The following CERT1 variants were observed in gnomAD, a reference collection of about 807,000 sequenced individuals.
CERT1 encodes the protein ceramide transporter 1.
CERT1 carries 31 observed loss-of-function variants against 87.9 expected under a neutral mutation model. The observed-to-expected ratio is 0.35, with a 90% confidence interval of 0.27 to 0.48. The LOEUF (loss-of-function observed/expected upper bound fraction) is 0.48. Among genes scored for constraint, CERT1 ranks in the 20% least tolerant of loss-of-function variants. The pLI is 0.99. For missense variants in CERT1, 487 were observed against 758.0 expected (o/e 0.64, Z 4.20); for synonymous variants, 289 against 250.9 (o/e 1.15, Z -1.44).
At chr5:75,397,772 G>C (rs1017521573) in intron 11 of CERT1, among the ~76,000 whole-genome samples, 1 of 152,196 alleles carries the variant, frequency 6.6e-6, no homozygotes, top group South Asian at 2.1e-4. Context: ...TGTAATCCCA[G>C]CACTTTGGGA....
intron 3 of CERT1, among the ~76,000 whole-genome samples, chr5:75,451,966 T>C (rs905113752): frequency 6.6e-6 from 1 of 152,130 alleles, no homozygotes; most frequent in African/African-American, 2.4e-5. Flanking sequence ...AACAATGGGG[T>C]TCTCTCAGTA....
chr5:75,426,205 A>G (rs989093350), intron 4 of CERT1, among the ~76,000 whole-genome samples, 166 bp downstream of exon 4: 1 of 152,232 alleles, frequency 6.6e-6, no homozygotes, highest in African/African-American at 2.4e-5. Flanking sequence ...GTGTTCATCT[A>G]TATGAGTTAT....
intron 7 of CERT1, 104 bp downstream of exon 7, chr5:75,416,772 T>C: frequency 9.9e-7 from 1 of 1,009,736 alleles, no homozygotes; most frequent in South Asian, 1.8e-5. Flanking sequence ...GCTATTTCTA[T>C]CAACCCAAGA....
intron 2 of CERT1, among the ~76,000 whole-genome samples, chr5:75,482,783 A>G (rs143912426): frequency 1.4e-3 from 219 of 152,306 alleles, no homozygotes; most frequent in Non-Finnish European, 2.5e-3. Context: ...AGGCAGTACT[A>G]TTTGTGAGTC....
At chr5:75,400,623 A>C in intron 9 of CERT1, 2 of 204,476 alleles carry the variant, frequency 9.8e-6, no homozygotes, top group African/African-American at 2.3e-5. Flanking sequence ...ATTCTCTCCT[A>C]TCCAAACCCT....
intron 2 of CERT1, among the ~76,000 whole-genome samples, chr5:75,492,134 AGGAGTTTGAAACCAGTCT>A (rs1439251168): frequency 5.3e-5 from 8 of 152,254 alleles, no homozygotes; most frequent in African/African-American, 1.9e-4. Context: ...GCTTGAGCTC[AGGAGTTTGAAACCAGTCT>A]GGGCAACATA....
chr5:75,434,394 T>C (rs1331321657), intron 3 of CERT1, among the ~76,000 whole-genome samples: 1 of 152,188 alleles, frequency 6.6e-6, no homozygotes, highest in Non-Finnish European at 1.5e-5. Flanking sequence ...GTATTCAATT[T>C]GCTAATATTT....
intron 13 of CERT1, among the ~76,000 whole-genome samples, chr5:75,385,335 T>A (rs971573531): frequency 3.3e-5 from 5 of 152,026 alleles, no homozygotes; most frequent in Non-Finnish European, 7.4e-5. Context: ...TAGCTGGGCG[T>A]GATGGTGTGC....
chr5:75,436,057 G>A (rs1335293811), intron 3 of CERT1, among the ~76,000 whole-genome samples: 1 of 152,170 alleles, frequency 6.6e-6, no homozygotes, highest in Non-Finnish European at 1.5e-5. Flanking sequence ...TTTTGAGACG[G>A]AGGATCGCTC....
intron 2 of CERT1, among the ~76,000 whole-genome samples, chr5:75,503,962 T>C (rs187832291): frequency 8.7e-4 from 131 of 150,402 alleles, no homozygotes; most frequent in South Asian, 1.2e-3. Context: ...TTATAGTCCA[T>C]AATTCAAGAC....
At chr5:75,510,647 T>C (rs546426034) in intron 1 of CERT1, among the ~76,000 whole-genome samples, 1 of 152,236 alleles carries the variant, frequency 6.6e-6, no homozygotes, top group Admixed American at 6.5e-5. Flanking sequence ...ACCTCAAATT[T>C]CAACACCAAG....
chr5:75,442,275 C>G (rs1171170117), intron 3 of CERT1, among the ~76,000 whole-genome samples: 3 of 152,204 alleles, frequency 2.0e-5, no homozygotes, highest in Non-Finnish European at 4.4e-5. Flanking sequence ...TCTTGCAGTG[C>G]AGGTCTAGTA....
intron 2 of CERT1, among the ~76,000 whole-genome samples, chr5:75,464,868 G>A (rs1429340761): frequency 2.6e-5 from 4 of 152,106 alleles, no homozygotes; most frequent in South Asian, 2.1e-4. Flanking sequence ...ATGAGCCACC[G>A]CAAGTGGCCC....
Position 75,379,421 on chromosome 5 carries a change from T to G in CERT1, c.1800A>C (p.Arg600=). Residue 600 remains arginine, a synonymous_variant, in exon 17 of 17, where the codon CGA becomes CGC. Coordinates refer to ENST00000643780, the MANE Select transcript of CERT1 (RefSeq NM_001379029.1). The part of the protein sequence containing the change: ...PASVLRAVAK[R]EYPKFLKRFT... ...AACGTTTTAGAAATTTAGGATACTC[T>G]CGCTTTGCCACTGCCCTTAACACTG... 2 of 1,613,900 alleles carry G rather than the reference T, an allele frequency of 1.2e-6. No individual in the cohort carries two copies. The highest frequency in any genetic ancestry group is 1.7e-6 in the Non-Finnish European group (2 of 1,179,824).
chr5:75,394,221 T>C (rs1251066299), intron 11 of CERT1, among the ~76,000 whole-genome samples: 1 of 152,056 alleles, frequency 6.6e-6, no homozygotes, highest in African/African-American at 2.4e-5. Flanking sequence ...CAGTAAAAAT[T>C]TTTAAAACTT....
intron 3 of CERT1, among the ~76,000 whole-genome samples, chr5:75,432,856 T>C (rs984506307): frequency 6.6e-6 from 1 of 152,266 alleles, no homozygotes; most frequent in Non-Finnish European, 1.5e-5. Flanking sequence ...CTTTAATCCA[T>C]CTTGAGTTAA....
chr5:75,465,763 C>T (rs912158784), intron 2 of CERT1, among the ~76,000 whole-genome samples: 10 of 152,180 alleles, frequency 6.6e-5, no homozygotes, highest in African/African-American at 2.4e-4. Context: ...GCTGCCAGCA[C>T]TATCAGAAGA....
chr5:75,390,255 T>C (rs976986835), intron 11 of CERT1, among the ~76,000 whole-genome samples: 1 of 152,188 alleles, frequency 6.6e-6, no homozygotes, highest in Admixed American at 6.5e-5. Flanking sequence ...TGAAAAACCT[T>C]TCTTATGCCA....
In CERT1 at chr5:75,403,074, G is replaced by A; in HGVS notation, c.931-16C>T. On this transcript the variant is annotated splice_polypyrimidine_tract_variant and intron_variant, in intron 8 of 16. Transcript: ENST00000643780. ...TAGGGCCTTCCTATTCCAACACACA[G>A]TGGAGAAAAAAGCAGTTTATTTAAA... 1 of 1,562,170 alleles carries A rather than the reference G, an allele frequency of 6.4e-7. No individual in the cohort carries two copies. Among genetic ancestry groups the A allele is most frequent in the Non-Finnish European group, 8.8e-7 (1 of 1,140,636 alleles).
Sources: gnomAD v4.1 joint callset for allele counts (sites outside exome capture counted in the v4.1 genomes callset) on GRCh38, gnomAD v4.1.1 for gene constraint, MANE v1.5 for transcripts, NCBI Gene and HGNC (gene_info 2026-07-23, HGNC 2026-07-21) for gene names.